Variants in ZNF398 observed in about 807,000 individuals in gnomAD.
ZNF398 encodes zinc finger DNA binding protein ZER6.
A neutral mutation model predicts 41.9 loss-of-function variants in ZNF398; 18 were observed. That is an observed-to-expected ratio of 0.43 (90% CI 0.30 to 0.64). ZNF398 has a LOEUF of 0.64. ZNF398 is among the 30% of genes least tolerant of loss of function. The probability of loss-of-function intolerance (pLI) is 0.14; values close to 1 mark genes in which losing one functional copy is unlikely to be tolerated. For missense variants in ZNF398, 669 were observed against 822.8 expected, an observed-to-expected ratio of 0.81 and a Z score of 2.29; for synonymous variants, 260 against 308.8, an observed-to-expected ratio of 0.84 and a Z score of 1.66.
intron 2 of ZNF398, among the ~76,000 whole-genome samples, chr7:149,138,635 AAAAT>A (rs776906378): frequency 9.9e-5 from 15 of 151,632 alleles, no homozygotes; most frequent in African/African-American, 3.4e-4. Flanking sequence ...CTGTATTAAG[AAAAT>A]AAATAAATAT....
chr7:149,135,220 T>C (rs1826684142), intron 2 of ZNF398, among the ~76,000 whole-genome samples: 1 of 151,668 alleles, frequency 6.6e-6, no homozygotes, highest in African/African-American at 2.4e-5. Flanking sequence ...AAACCCCGTC[T>C]CTACTAAAAA....
intron 4 of ZNF398, among the ~76,000 whole-genome samples, chr7:149,169,741 C>T (rs1198895864): frequency 6.6e-6 from 1 of 151,658 alleles, no homozygotes; most frequent in Non-Finnish European, 1.5e-5. Context: ...CCTGAGCCAC[C>T]ACACCCAACC....
At position 149,147,929 on chromosome 7, in the gene ZNF398, C is replaced by CT. The variant is rs1433482223; in HGVS notation, c.24+165dup. On this transcript the variant is annotated intron_variant, in intron 1 of 5. Coordinates refer to ENST00000475153, the MANE Select transcript of ZNF398 (RefSeq NM_170686.3). The surrounding 1 kb of genome is among the most constrained non-coding windows in gnomAD (Gnocchi z 5.6). Reference sequence around the variant, plus strand: ...GCGGCTGCAGCCTCGCGTGAGGGGACTTAGCGGGTGGGTGTGAAACCGCCC... The same window carrying CT: ...GCGGCTGCAGCCTCGCGTGAGGGGACTTTAGCGGGTGGGTGTGAAACCGCCC... Among the ~76,000 whole-genome samples the CT allele has an allele frequency of 6.6e-6, 1 of 152,096 alleles. No individual in the cohort carries two copies.
At chr7:149,128,189 G>A (rs78883207) in intron 1 of ZNF398, among the ~76,000 whole-genome samples, 5,516 of 152,208 alleles carry the variant, frequency 0.036, 325 homozygotes, top group African/African-American at 0.13. Context: ...GATTTTACAC[G>A]TTTTGGGAAG....
intron 5 of ZNF398, among the ~76,000 whole-genome samples, chr7:149,177,608 A>G (rs1795490091): frequency 6.6e-6 from 1 of 152,198 alleles, no homozygotes; most frequent in Admixed American, 6.6e-5. Flanking sequence ...GTAAGTCAAG[A>G]TGCATAGCAG....
chr7:149,156,861 CAA>C (rs11400806), intron 2 of ZNF398, among the ~76,000 whole-genome samples: 6 of 141,210 alleles, frequency 4.2e-5, no homozygotes, highest in Non-Finnish European at 3.1e-5. Flanking sequence ...AACTCCATTT[CAA>C]AAAAAAAAAA....
At chr7:149,132,649 T>A (rs1826622235) in intron 2 of ZNF398, among the ~76,000 whole-genome samples, 1 of 152,138 alleles carries the variant, frequency 6.6e-6, no homozygotes, top group African/African-American at 2.4e-5. Flanking sequence ...GACGTCTACA[T>A]AGCATGAGAG....
chr7:149,149,570 CT>C (rs1311475123), intron 1 of ZNF398, among the ~76,000 whole-genome samples: 1 of 152,056 alleles, frequency 6.6e-6, no homozygotes, highest in Non-Finnish European at 1.5e-5. Flanking sequence ...GGTGTGGTGG[CT>C]CAAGCCTGTT....
rs1795539854 is a variant in ZNF398 at position 149,179,291 on chromosome 7, C to G, written c.1419C>G (p.His473Gln). ...SFSLKISLLL[H>Q]QRGHAQERPF... ...GCTTGAAAATCAGCCTCCTGCTCCA[C>G]CAGCGGGGTCATGCACAAGAGCGCC... Residue 473 changes from histidine to glutamine, a missense_variant, in exon 6 of 6, where the codon CAC (histidine) becomes CAG (glutamine). Physicochemically the swap from His to Gln is conservative, Grantham distance 24. Transcript: ENST00000475153. The surrounding 1 kb of genome is among the most constrained non-coding windows in gnomAD (Gnocchi z 6.1). 1 of 1,613,200 alleles carries G rather than the reference C, an allele frequency of 6.2e-7. No homozygotes were observed. Among genetic ancestry groups the G allele is most frequent in the Non-Finnish European group, 8.5e-7 (1 of 1,180,002 alleles).
At chr7:149,138,232 A>G (rs1018652579) in intron 2 of ZNF398, among the ~76,000 whole-genome samples, 2 of 151,608 alleles carry the variant, frequency 1.3e-5, no homozygotes, top group Non-Finnish European at 2.9e-5. Context: ...AAAGAAAAAA[A>G]TTTAATGCTA....
chr7:149,140,487 C>T (rs544551787), intron 2 of ZNF398, among the ~76,000 whole-genome samples: 39 of 152,144 alleles, frequency 2.6e-4, no homozygotes, highest in Non-Finnish European at 3.8e-4. Context: ...CAGGTTCAAG[C>T]GATCCTCCTG....
intron 2 of ZNF398, among the ~76,000 whole-genome samples, chr7:149,136,621 G>A (rs932033191): frequency 6.6e-6 from 1 of 152,024 alleles, no homozygotes; most frequent in African/African-American, 2.4e-5. Flanking sequence ...AGGTTGGAGT[G>A]CAGTGGCATG....
At chr7:149,134,888 G>A (rs1202429) in intron 2 of ZNF398, among the ~76,000 whole-genome samples, 22,982 of 151,870 alleles carry the variant, frequency 0.15, 1,853 homozygotes, top group Middle Eastern at 0.22. Flanking sequence ...ACACCACCAC[G>A]CCCAGCTAAT....
Position 149,133,678 on chromosome 7 carries a change from T to TATATATATATACACACAC in ZNF398, c.-490+4735_-490+4736insTATATATATACACACACA, listed in dbSNP as rs1483673161. 1.1e-3 allele frequency among the ~76,000 whole-genome samples: 77 copies of TATATATATATACACACAC among 67,008 alleles called. 2 individuals are homozygous for TATATATATATACACACAC. The highest frequency in any genetic ancestry group is 4.6e-3 in the African/African-American group (76 of 16,444). 44.0% of individuals were successfully genotyped at this position (67,008 alleles called of 152,430 possible). On this transcript the variant is annotated intron_variant, in intron 2 of 6. Coordinates refer to the ZNF398 transcript ENST00000426851. ...AAATATATATATATATATATATATA[T>TATATATATATACACACAC]ACATATATATGTGTGTATATATATA...
rs2693317 is a variant in ZNF398 at position 149,147,792 on chromosome 7, G to A, written c.24+26G>A. The A allele has an allele frequency of 0.15, 208,265 of 1,384,866 alleles. 17,047 individuals are homozygous for A. Among genetic ancestry groups the A allele is most frequent in the African/African-American group, 0.24 (15,987 of 66,408 alleles). 85.8% of individuals were successfully genotyped at this position (1,384,866 alleles called of 1,614,324 possible). ...GTAAGGGCGGCCGCGCGCGAGTGTTGTGAGCCCCCGAGACCCAGACCCCGA... is the reference window on the plus strand; with the variant it reads ...GTAAGGGCGGCCGCGCGCGAGTGTTATGAGCCCCCGAGACCCAGACCCCGA... On this transcript the variant is annotated intron_variant, in intron 1 of 5. Coordinates refer to ENST00000475153, the MANE Select transcript of ZNF398 (RefSeq NM_170686.3). This position sits in a 1 kb window ranked among gnomAD's most constrained non-coding sequence, Gnocchi z 5.6.
chr7:149,151,271 T>G (rs759322050), intron 1 of ZNF398: 17 of 1,250,956 alleles, frequency 1.4e-5, no homozygotes, highest in Non-Finnish European at 1.8e-5. Flanking sequence ...AGGCCGGAGG[T>G]TAGCTGAGCA....
intron 1 of ZNF398, among the ~76,000 whole-genome samples, chr7:149,151,785 T>C (rs1299131322): frequency 6.8e-6 from 1 of 147,696 alleles, no homozygotes; most frequent in South Asian, 2.1e-4. Flanking sequence ...TTCTTTCTTT[T>C]TTTTTCTTTT....
intron 2 of ZNF398, among the ~76,000 whole-genome samples, chr7:149,162,221 G>A (rs796963100): frequency 4.6e-5 from 7 of 151,612 alleles, no homozygotes; most frequent in East Asian, 3.9e-4. Context: ...TCGCTCTGTC[G>A]CCCAGGCTGG....
chr7:149,128,798 T>C (rs28833009), intron 1 of ZNF398: 1 of 63,488 alleles, frequency 1.6e-5, no homozygotes, highest in East Asian at 1.2e-3. Flanking sequence ...ATATATATAT[T>C]GTTTGTTTGT....
Sources: gnomAD v4.1 joint callset for allele counts (sites outside exome capture counted in the v4.1 genomes callset) on GRCh38, gnomAD v4.1.1 for gene constraint, Gnocchi (gnomAD v3.1) non-coding constraint, MANE v1.5 for transcripts, NCBI Gene and HGNC (gene_info 2026-07-23, HGNC 2026-07-21) for gene names.